The following STIM1 variants were observed in gnomAD, a reference collection of about 807,000 sequenced individuals.
The protein encoded by STIM1 is stromal interaction molecule 1.
A neutral mutation model predicts 74.7 loss-of-function variants in STIM1; 25 were observed. The ratio of observed to expected loss-of-function variants is 0.33; its 90% CI spans 0.24 to 0.47. The LOEUF (loss-of-function observed/expected upper bound fraction) is 0.47. Ranked by LOEUF, STIM1 falls within the 20% of genes least tolerant of loss-of-function variation. The pLI is 1.00. For synonymous variants in STIM1, 328 were observed against 348.8 expected, an observed-to-expected ratio of 0.94 and a Z score of 0.66; for missense variants, 728 against 920.8, an observed-to-expected ratio of 0.79 and a Z score of 2.71.
At chr11:4,063,495 G>T (rs1042831032) in intron 5 of STIM1, among the ~76,000 whole-genome samples, 2 of 152,098 alleles carry the variant, frequency 1.3e-5, no homozygotes, top group South Asian at 2.1e-4. Context: ...ATTAAGGCAC[G>T]CACACTGTAT....
intron 2 of STIM1, among the ~76,000 whole-genome samples, 154 bp from the exon 3 acceptor site, chr11:4,023,719 T>C (rs2093976941): frequency 6.6e-6 from 1 of 152,200 alleles, no homozygotes; most frequent in African/African-American, 2.4e-5. Flanking sequence ...AACTAAGACA[T>C]GTGCATAAGG....
chr11:4,034,373 G>T (rs559364763), intron 3 of STIM1, among the ~76,000 whole-genome samples: 1 of 152,086 alleles, frequency 6.6e-6, no homozygotes, highest in Non-Finnish European at 1.5e-5. Context: ...GGAGTTTTCT[G>T]TGTCTATTGA....
At chr11:4,074,796 T>G (rs2133187460) in intron 7 of STIM1, 117 bp downstream of exon 7, 1 of 1,185,678 alleles carries the variant, frequency 8.4e-7, no homozygotes, top group South Asian at 1.4e-5. Context: ...AAGACTATGT[T>G]CTAGAGTCAC....
chr11:3,996,006 A>G (rs1279113501), intron 2 of STIM1, among the ~76,000 whole-genome samples: 2 of 152,092 alleles, frequency 1.3e-5, no homozygotes, highest in African/African-American at 4.8e-5. Context: ...TCTACAGTTT[A>G]GCCTATATCT....
chr11:3,878,232 G>A (rs2091371128), intron 1 of STIM1, among the ~76,000 whole-genome samples: 1 of 152,118 alleles, frequency 6.6e-6, no homozygotes, highest in South Asian at 2.1e-4. Context: ...AGAGACAGAG[G>A]GAAGAAAAGG....
chr11:3,923,334 C>G (rs1027025617), intron 1 of STIM1, among the ~76,000 whole-genome samples: 2 of 151,804 alleles, frequency 1.3e-5, no homozygotes, highest in South Asian at 4.2e-4. Context: ...CTGGGCCGAG[C>G]GCAGTGGCTC....
chr11:4,080,948 A>G (rs2094462428), intron 7 of STIM1, among the ~76,000 whole-genome samples: 1 of 152,146 alleles, frequency 6.6e-6, no homozygotes. Flanking sequence ...ATTAGTCTCT[A>G]AGGTATCTAG....
At chr11:3,891,555 G>A (rs2091897725) in intron 1 of STIM1, among the ~76,000 whole-genome samples, 1 of 152,110 alleles carries the variant, frequency 6.6e-6, no homozygotes, top group South Asian at 2.1e-4. Context: ...AAAGTGCTAG[G>A]ATTACAGGTG....
intron 3 of STIM1, among the ~76,000 whole-genome samples, chr11:4,036,270 G>C (rs561460459): frequency 9.2e-5 from 14 of 152,160 alleles, no homozygotes; most frequent in African/African-American, 3.4e-4. Flanking sequence ...TGGGCATTTG[G>C]GTTGATTCCA....
chr11:4,076,629 AT>A (rs2094438964), intron 7 of STIM1, among the ~76,000 whole-genome samples: 1 of 148,820 alleles, frequency 6.7e-6, no homozygotes, highest in East Asian at 2.0e-4. Context: ...ATTTAGGGAT[AT>A]TATTTCAAAT....
At chr11:3,888,538 C>CT (rs990677062) in intron 1 of STIM1, among the ~76,000 whole-genome samples, 36 of 151,200 alleles carry the variant, frequency 2.4e-4, no homozygotes, top group Admixed American at 8.6e-4. Context: ...GCCATATAGT[C>CT]TTTTTTTTTG....
intron 5 of STIM1, among the ~76,000 whole-genome samples, chr11:4,068,935 A>C (rs969283248): frequency 6.6e-6 from 1 of 152,176 alleles, no homozygotes; most frequent in African/African-American, 2.4e-5. Context: ...TACTATGTCC[A>C]AGGATCATGC....
At position 3,857,569 on chromosome 11, in the gene STIM1, C is replaced by T. The variant is rs370754825; in HGVS notation, c.139+1160C>T. On this transcript the variant is annotated intron_variant, in intron 1 of 12. Transcript: ENST00000526596. ...ATCCAGTCATTTTACATAAGGCTTA[C>T]GAGATCAGTTCTCTTTTCCCATTTC... Among the ~76,000 whole-genome samples the T allele has an allele frequency of 5.3e-5, 8 of 152,048 alleles. No individual in the cohort carries two copies. In the East Asian group the frequency reaches 5.8e-4, roughly 11 times the overall value.
At chr11:4,071,156 TTAG>T (rs2094401103) in intron 6 of STIM1, among the ~76,000 whole-genome samples, 1 of 151,956 alleles carries the variant, frequency 6.6e-6, no homozygotes, top group Non-Finnish European at 1.5e-5. Flanking sequence ...TGTGGGGAAG[TTAG>T]TAGGATGCAG....
chr11:4,046,155 C>A (rs1009275460), intron 3 of STIM1, among the ~76,000 whole-genome samples: 2 of 147,154 alleles, frequency 1.4e-5, no homozygotes, highest in African/African-American at 5.0e-5. Context: ...ACCTCTGCCT[C>A]CTGGGTTCCA....
intron 3 of STIM1, among the ~76,000 whole-genome samples, chr11:4,029,081 G>A (rs1265330425): frequency 1.3e-5 from 2 of 151,958 alleles, no homozygotes; most frequent in Admixed American, 6.6e-5. Context: ...CCAGCTGCTC[G>A]GGAGATTGAG....
intron 1 of STIM1, among the ~76,000 whole-genome samples, chr11:3,916,540 C>G (rs902461276): frequency 6.6e-6 from 1 of 151,680 alleles, no homozygotes; most frequent in African/African-American, 2.4e-5. Context: ...CAACCTCTGC[C>G]TCCTGGGTTC....
intron 1 of STIM1, among the ~76,000 whole-genome samples, chr11:3,889,401 T>C (rs1442110040): frequency 6.6e-6 from 1 of 151,240 alleles, no homozygotes; most frequent in Non-Finnish European, 1.5e-5. Flanking sequence ...AGAGTCTCGC[T>C]TTGTCGCCCA....
intron 1 of STIM1, among the ~76,000 whole-genome samples, chr11:3,940,571 A>T (rs1590585392): frequency 6.6e-6 from 1 of 152,226 alleles, no homozygotes; most frequent in East Asian, 1.9e-4. Flanking sequence ...AAGCACCAAC[A>T]TAGTGGCTGA....
Sources: gnomAD v4.1 joint callset for allele counts (sites outside exome capture counted in the v4.1 genomes callset) on GRCh38, gnomAD v4.1.1 for gene constraint, MANE v1.5 for transcripts, NCBI Gene and HGNC (gene_info 2026-07-23, HGNC 2026-07-21) for gene names.